Variants in PPHLN1 observed in about 807,000 individuals in gnomAD.
PPHLN1 encodes the protein periphilin-1.
PPHLN1 carries 29 observed loss-of-function variants against 51.3 expected under a neutral mutation model. That is an observed-to-expected ratio of 0.57 (90% CI 0.42 to 0.77). The LOEUF (loss-of-function observed/expected upper bound fraction) is 0.77. PPHLN1 is among the 30% of genes least tolerant of loss of function. PPHLN1 has a pLI of 0.00. For missense variants in PPHLN1, 436 were observed against 438.4 expected (o/e 0.99, Z 0.05); for synonymous variants, 147 against 147.8 (o/e 0.99, Z 0.04).
intron 9 of PPHLN1, among the ~76,000 whole-genome samples, chr12:42,430,699 G>C (rs2081965346): frequency 6.6e-6 from 1 of 151,874 alleles, no homozygotes; most frequent in African/African-American, 2.4e-5. Flanking sequence ...TCACCATGTT[G>C]GCCAGTCTGG....
chr12:42,336,951 G>A (rs965981516), intron 2 of PPHLN1, among the ~76,000 whole-genome samples: 5 of 152,078 alleles, frequency 3.3e-5, no homozygotes, highest in Admixed American at 1.3e-4. Flanking sequence ...TAGGTTTGTC[G>A]TTGTCCTAGA....
chr12:42,446,933 A>G, downstream of PPHLN1: 1 of 307,194 alleles, frequency 3.3e-6, no homozygotes, highest in Non-Finnish European at 6.0e-6. Flanking sequence ...TGCTCCCTGC[A>G]AAGGGGGGCG....
chr12:42,332,215 GAA>G (rs1258239565), intron 1 of PPHLN1, among the ~76,000 whole-genome samples: 1 of 152,046 alleles, frequency 6.6e-6, no homozygotes, highest in Non-Finnish European at 1.5e-5. Flanking sequence ...GGAAAAGAAA[GAA>G]AAAGAAAATT....
chr12:42,427,543 G>A (rs1209096640), intron 9 of PPHLN1, among the ~76,000 whole-genome samples: 1 of 152,136 alleles, frequency 6.6e-6, no homozygotes, highest in Non-Finnish European at 1.5e-5. Flanking sequence ...TCAACAAATG[G>A]TGCTGCCAAT....
At chr12:42,393,537 A>G in intron 7 of PPHLN1, 33 bp from the exon 8 acceptor site, 1 of 1,539,190 alleles carries the variant, frequency 6.5e-7, no homozygotes, top group Non-Finnish European at 8.7e-7. Context: ...AAAGCCCTTG[A>G]GAATTGTAAC....
At chr12:42,351,800 A>G (rs1265379276) in intron 2 of PPHLN1, 85 bp from the exon 3 acceptor site, 3 of 1,135,384 alleles carry the variant, frequency 2.6e-6, no homozygotes, top group Admixed American at 7.2e-5. Context: ...GATTAAGGGT[A>G]AGAACTCCTG....
rs549939791 is a variant in PPHLN1, at chr12:42,397,778, C to T, written c.769-1076C>T. On this transcript the variant is annotated intron_variant, in intron 8 of 9. Coordinates refer to ENST00000358314, the MANE Select transcript of PPHLN1 (RefSeq NM_201439.2). The stretch of plus-strand genomic sequence containing the variant: ...TTGAGACAGTGTCTGGCTCTGTCGC[C>T]AGGCTGGAGTGCAGTGGCGCTGGTG... 1.5e-4 allele frequency among the ~76,000 whole-genome samples: 23 copies of T among 152,184 alleles called. No homozygotes were observed. In the South Asian group the frequency reaches 4.8e-3, roughly 32 times the overall value.
chr12:42,400,467 C>CA (rs34462402), intron 9 of PPHLN1: 25,300 of 95,064 alleles, frequency 0.27, 3,838 homozygotes, highest in African/African-American at 0.45. Context: ...GACTCCGTCT[C>CA]AAAAAAAAAA....
intron 4 of PPHLN1, among the ~76,000 whole-genome samples, chr12:42,362,084 A>T (rs565559448): frequency 6.6e-6 from 1 of 152,302 alleles, no homozygotes; most frequent in South Asian, 2.1e-4. Flanking sequence ...AACCATCCTC[A>T]AGAGTGTAAA....
intron 4 of PPHLN1, chr12:42,355,661 G>C (rs985905017): frequency 6.5e-6 from 1 of 154,580 alleles, no homozygotes; most frequent in Non-Finnish European, 1.4e-5. Flanking sequence ...TGAGGCAGGA[G>C]GATTGCTTGA....
rs182630008 is a variant in PPHLN1 at position 42,359,564 on chromosome 12, C to T, written c.299+4342C>T. 2.6e-3 allele frequency: 400 copies of T among 152,320 alleles called. 1 individual carries two copies. Among genetic ancestry groups the T allele is most frequent in the African/African-American group, 9.2e-3 (382 of 41,570 alleles). The allele number at this position is 152,320 out of a possible 1,614,324, so 9.4% of individuals were successfully genotyped here. A position where few individuals can be genotyped will look rare whatever the true frequency, so the allele number is the denominator to read the frequency against. Reference sequence around the variant, plus strand: ...AGCTATAGCTTTTACTGCCTGGCATCTATCTGGCTTCTGTAAGCTGTTCTC... The same window carrying T: ...AGCTATAGCTTTTACTGCCTGGCATTTATCTGGCTTCTGTAAGCTGTTCTC... On this transcript the variant is annotated intron_variant, in intron 4 of 9. Coordinates refer to ENST00000358314, the MANE Select transcript of PPHLN1 (RefSeq NM_201439.2).
At chr12:42,431,016 TTTAAC>T (rs1382317927) in intron 9 of PPHLN1, among the ~76,000 whole-genome samples, 1 of 152,224 alleles carries the variant, frequency 6.6e-6, no homozygotes, top group Non-Finnish European at 1.5e-5. Context: ...AGCTTAGTGT[TTTAAC>T]TAAAGCTATG....
intron 5 of PPHLN1, 163 bp downstream of exon 5, chr12:42,375,237 T>TAC (rs929696292): frequency 7.1e-5 from 35 of 492,428 alleles, no homozygotes; most frequent in Middle Eastern, 1.1e-3. Context: ...ACAAACACCA[T>TAC]ACACACACAT....
chr12:42,408,595 A>G (rs190158933), intron 9 of PPHLN1, among the ~76,000 whole-genome samples: 3 of 152,288 alleles, frequency 2.0e-5, no homozygotes, highest in East Asian at 1.9e-4. Context: ...TCTCAGTTCA[A>G]CTGCTTAATA....
chr12:42,408,799 A>G (rs543627394), intron 9 of PPHLN1, among the ~76,000 whole-genome samples: 2 of 152,346 alleles, frequency 1.3e-5, no homozygotes, highest in South Asian at 2.1e-4. Context: ...GGATCTTGAA[A>G]TAAGGCAGAA....
At chr12:42,382,145 G>T (rs1403661287) in intron 5 of PPHLN1, among the ~76,000 whole-genome samples, 1 of 152,130 alleles carries the variant, frequency 6.6e-6, no homozygotes, top group Non-Finnish European at 1.5e-5. Flanking sequence ...ATTTCTAAAA[G>T]ATCCTGTTAG....
chr12:42,374,038 A>G (rs1433294935), intron 4 of PPHLN1, among the ~76,000 whole-genome samples: 1 of 152,172 alleles, frequency 6.6e-6, no homozygotes, highest in Non-Finnish European at 1.5e-5. Flanking sequence ...CTCCCCAGTT[A>G]TGATAATCAA....
chr12:42,427,274 T>C (rs965725842), intron 9 of PPHLN1, among the ~76,000 whole-genome samples: 2 of 152,200 alleles, frequency 1.3e-5, no homozygotes, highest in African/African-American at 2.4e-5. Context: ...AAGAAATAGC[T>C]GTATATAAAA....
intron 9 of PPHLN1, among the ~76,000 whole-genome samples, chr12:42,418,989 G>A (rs951976963): frequency 5.9e-5 from 9 of 151,718 alleles, no homozygotes; most frequent in East Asian, 1.9e-4. Context: ...TATAATTCCC[G>A]CATTACAAAT....
Sources: gnomAD v4.1 joint callset for allele counts (sites outside exome capture counted in the v4.1 genomes callset) on GRCh38, gnomAD v4.1.1 for gene constraint, MANE v1.5 for transcripts, NCBI Gene and HGNC (gene_info 2026-07-23, HGNC 2026-07-21) for gene names.